The following OGDHL variants were observed in gnomAD, a reference collection of about 807,000 sequenced individuals.
The protein encoded by OGDHL is 2-oxoglutarate dehydrogenase-like, mitochondrial.
OGDHL carries 79 observed loss-of-function variants against 109.6 expected under a neutral mutation model. That is an observed-to-expected ratio of 0.72 (90% confidence interval 0.60 to 0.87). The LOEUF (loss-of-function observed/expected upper bound fraction) is 0.87, where lower values mean the gene tolerates loss of function less well. Ranked by LOEUF, OGDHL falls within the 40% of genes least tolerant of loss-of-function variation. The pLI, the probability that OGDHL is intolerant of heterozygous loss-of-function variation, is 0.00. For synonymous variants in OGDHL, 528 were observed against 537.2 expected, an observed-to-expected ratio of 0.98 and a Z score of 0.24; for missense variants, 1,275 against 1,362.2, an observed-to-expected ratio of 0.94 and a Z score of 1.01.
chr10:49,749,639 C>T (rs1423860789), intron 8 of OGDHL, 87 bp downstream of exon 8: 1 of 1,171,944 alleles, frequency 8.5e-7, no homozygotes, highest in Admixed American at 2.3e-5. Context: ...TTATCTCAGC[C>T]CGGAAGCTCC....
At position 49,735,139 on chromosome 10, in the gene OGDHL, C is replaced by T; in HGVS notation, c.*89G>A. On this transcript the variant is annotated 3_prime_UTR_variant, in exon 23 of 23. Coordinates refer to ENST00000374103, the MANE Select transcript of OGDHL (RefSeq NM_018245.3). The stretch of plus-strand genomic sequence containing the variant: ...TATCCTGGGGCCCCACAGCCCCTCT[C>T]CTGGGCAGGAGCTCCGCCCCTCCCC... 1 of 1,537,322 alleles carries T rather than the reference C, an allele frequency of 6.5e-7. No individual in the cohort carries two copies. The highest frequency in any genetic ancestry group is 8.8e-7 in the Non-Finnish European group (1 of 1,140,380).
intron 14 of OGDHL, 50 bp downstream of exon 14, chr10:49,743,944 T>C (rs1336481410): frequency 6.9e-6 from 11 of 1,593,922 alleles, no homozygotes; most frequent in Non-Finnish European, 9.4e-6. Flanking sequence ...CGAGGCACAG[T>C]GTTGGGGTGG....
Position 49,737,948 on chromosome 10 carries a change from G to A in OGDHL, c.2516C>T (p.Pro839Leu), listed in dbSNP as rs200530979. 23 of 1,614,142 alleles carry A rather than the reference G, an allele frequency of 1.4e-5. No individual in the cohort carries two copies. The highest frequency in any genetic ancestry group is 4.5e-5 in the East Asian group (2 of 44,882). The change falls in exon 19 of 23, where the codon CCG (proline) becomes CTG (leucine). Residue 839 changes from proline (P) to leucine (L), a missense_variant and splice_region_variant. Transcript: ENST00000374103. ...RRQILLPFRK[P>L]LIIFTPKSLL... ...CCCTGCCCTGGGACGGAGACTCACC[G>A]GCTTGCGGAAGGGCAGCAGGATCTG...
At chr10:49,759,623 CT>C (rs1843146670) in intron 1 of OGDHL, among the ~76,000 whole-genome samples, 1 of 152,170 alleles carries the variant, frequency 6.6e-6, no homozygotes, top group Non-Finnish European at 1.5e-5. Flanking sequence ...CCCCATACCC[CT>C]GCCACCTCAT....
In OGDHL at chr10:49,740,695, A is replaced by G. The variant is rs199727256; in HGVS notation, c.2140+15T>C. 2.5e-6 allele frequency: 4 copies of G among 1,608,458 alleles called. No individual in the cohort carries two copies. Among genetic ancestry groups the G allele is most frequent in the Non-Finnish European group, 3.4e-6 (4 of 1,176,296 alleles). ...GTCTGGGGCCTGCCTGGCCTGCAGGAGAGCGTGGACCCACCCAGGACTCCG... is the reference window on the plus strand; with the variant it reads ...GTCTGGGGCCTGCCTGGCCTGCAGGGGAGCGTGGACCCACCCAGGACTCCG... On this transcript the variant is annotated intron_variant, in intron 16 of 22. Transcript: ENST00000374103.
intron 12 of OGDHL, among the ~76,000 whole-genome samples, 164 bp from the exon 13 acceptor site, chr10:49,744,916 C>A (rs1842064240): frequency 6.6e-6 from 1 of 152,170 alleles, no homozygotes; most frequent in Admixed American, 6.5e-5. Flanking sequence ...TCTCAGAGTT[C>A]AGGGGATCCT....
At chr10:49,761,536 A>C (rs1843279672) in intron 1 of OGDHL, among the ~76,000 whole-genome samples, 1 of 152,190 alleles carries the variant, frequency 6.6e-6, no homozygotes, top group Admixed American at 6.5e-5. Context: ...CTCAGCAACA[A>C]ACCGCAATTC....
intron 8 of OGDHL, among the ~76,000 whole-genome samples, chr10:49,748,705 T>C (rs572116738): frequency 6.7e-6 from 1 of 148,556 alleles, no homozygotes; most frequent in East Asian, 2.0e-4. Context: ...GAACAGGATG[T>C]CAGAAAGACC....
Position 49,736,436 on chromosome 10 carries a change from C to A in OGDHL, c.2675G>T (p.Gly892Val), listed in dbSNP as rs1197783801. Residue 892 changes from glycine to valine, a missense_variant, in exon 21 of 23, where the codon GGA becomes GTA. Transcript: ENST00000374103. ...CTTCACCAGGTCATAGTACACCTTT[C>A]CCGTGCAGAAGATGAGCCGCTGCAC... ...EQVQRLIFCT[G>V]KVYYDLVKER... 1 of 1,614,114 alleles carries A rather than the reference C, an allele frequency of 6.2e-7. No homozygotes were observed. Among genetic ancestry groups the A allele is most frequent in the South Asian group, 1.1e-5 (1 of 91,082 alleles).
Position 49,736,104 on chromosome 10 carries a change from T to C in OGDHL, c.2828A>G (p.Gln943Arg). The change falls in exon 22 of 23, where the codon CAG becomes CGG. Residue 943 changes from glutamine to arginine, a missense_variant. Transcript: ENST00000374103. ...GTAGCCCATGTTCTTGTGCTCCTCC[T>C]GACACCAGGCCAGCTCCGCACCTGG... ...KYPGAELAWC[Q>R]EEHKNMGYYD... is the part of the protein sequence containing the mutation. The C allele has an allele frequency of 6.2e-7, 1 of 1,612,644 alleles. No individual in the cohort carries two copies. The highest frequency in any genetic ancestry group is 8.5e-7 in the Non-Finnish European group (1 of 1,179,202).
Position 49,749,764 on chromosome 10 carries a change from A to G in OGDHL, c.949T>C (p.Phe317Leu), listed in dbSNP as rs1564547120. The part of the protein sequence containing the change: ...NVIRKDLEQI[F>L]CQFDPKLEAA... ...TCCAGCTTGGGGTCAAACTGGCAGA[A>G]GATCTGCTCCAGGTCCTTGCGGATC... The change falls in exon 8 of 23, where the codon TTC becomes CTC. Residue 317 changes from phenylalanine to leucine, a missense_variant. By Grantham distance (22) the Phe-to-Leu change is conservative. Coordinates refer to ENST00000374103, the MANE Select transcript of OGDHL (RefSeq NM_018245.3). The G allele has an allele frequency of 6.2e-7, 1 of 1,601,312 alleles. No individual in the cohort carries two copies. The highest frequency in any genetic ancestry group is 2.2e-5 in the East Asian group (1 of 44,588).
Position 49,747,166 on chromosome 10 carries a change from T to G in OGDHL, c.1030A>C (p.Arg344=). The change falls in exon 9 of 23, where the codon AGG becomes CGG. Residue 344 remains arginine, a synonymous_variant. Transcript: ENST00000374103. ...VKYHLGMYHE[R]INRVTNRNIT... is the part of the protein sequence containing the mutation. ...TTCCGGTTGGTGACGCGGTTGATCC[T>G]CTCATGGTACATGCCCAGGTGGTAC... is the stretch of plus-strand genomic sequence containing the variant. The G allele has an allele frequency of 6.2e-7, 1 of 1,614,156 alleles. No homozygotes were observed. The highest frequency in any genetic ancestry group is 8.5e-7 in the Non-Finnish European group (1 of 1,179,980).
At chr10:49,751,029 G>C (rs1453355801) in intron 6 of OGDHL, 44 bp from the exon 7 acceptor site, 2 of 1,531,218 alleles carry the variant, frequency 1.3e-6, no homozygotes, top group Non-Finnish European at 1.8e-6. Flanking sequence ...AAGGGATGGA[G>C]AGGGAGGGGA....
chr10:49,757,277 AAGC>A lies in OGDHL; in HGVS notation c.205-334_205-332del, dbSNP rs1842973856. On this transcript the variant is annotated intron_variant, in intron 2 of 22. Coordinates refer to ENST00000374103, the MANE Select transcript of OGDHL (RefSeq NM_018245.3). ...GCCAAGATACGTTTTAAAGTGAATG[AAGC>A]AGAAGAGGATGTATGGCTGCTACTC... Among the ~76,000 whole-genome samples the A allele has an allele frequency of 2.6e-5, 4 of 152,234 alleles. No homozygotes were observed. In the South Asian group the frequency reaches 8.3e-4, roughly 32 times the overall value.
intron 1 of OGDHL, among the ~76,000 whole-genome samples, chr10:49,759,687 G>A (rs1304430784): frequency 1.3e-5 from 2 of 152,080 alleles, no homozygotes; most frequent in Non-Finnish European, 2.9e-5. Context: ...ACAACTGTGA[G>A]CAGAACCCCT....
At chr10:49,742,508 C>T (rs73305383) in intron 15 of OGDHL, among the ~76,000 whole-genome samples, 24,359 of 125,658 alleles carry the variant, frequency 0.19, 2,390 homozygotes, top group African/African-American at 0.29. Context: ...TACCACACAC[C>T]ACATACACAC....
At chr10:49,752,280 A>G (rs1842659015) in intron 4 of OGDHL, 32 bp from the exon 5 acceptor site, 1 of 1,549,514 alleles carries the variant, frequency 6.5e-7, no homozygotes, top group African/African-American at 1.4e-5. Flanking sequence ...AGCCCCGGGC[A>G]GCAAAGTGGA....
At chr10:49,752,525 C>G (rs1257365785) in intron 4 of OGDHL, 113 bp downstream of exon 4, 1 of 913,478 alleles carries the variant, frequency 1.1e-6, no homozygotes, top group Non-Finnish European at 1.8e-6. Flanking sequence ...GCCCTGTGGG[C>G]TGCTCCCCGA....
At chr10:49,738,328 G>T in intron 17 of OGDHL, 66 bp from the exon 18 acceptor site, 1 of 1,566,464 alleles carries the variant, frequency 6.4e-7, no homozygotes. Context: ...GCCCTGCAGG[G>T]ACCCCAGGCT....
Sources: gnomAD v4.1 joint callset for allele counts (sites outside exome capture counted in the v4.1 genomes callset) on GRCh38, gnomAD v4.1.1 for gene constraint, MANE v1.5 for transcripts, NCBI Gene and HGNC (gene_info 2026-07-23, HGNC 2026-07-21) for gene names.